GAREM2: variants seen among roughly 807,000 people sequenced by gnomAD.
GAREM2 encodes GRB2 associated regulator of MAPK1 subtype 2.
A neutral mutation model predicts 55.6 loss-of-function variants in GAREM2; 30 were observed. That is an observed-to-expected ratio of 0.54 (90% confidence interval 0.40 to 0.73). The LOEUF (loss-of-function observed/expected upper bound fraction) is 0.73. Ranked by LOEUF, GAREM2 falls within the 30% of genes least tolerant of loss-of-function variation. The probability of loss-of-function intolerance (pLI) is 0.00; values close to 1 mark genes in which losing one functional copy is unlikely to be tolerated. For synonymous variants in GAREM2, 550 were observed against 569.1 expected, an observed-to-expected ratio of 0.97 and a Z score of 0.48; for missense variants, 1,075 against 1,257.7, an observed-to-expected ratio of 0.85 and a Z score of 2.20.
the GAREM2 span, among the ~76,000 whole-genome samples, chr2:26,196,593 A>G: frequency 6.6e-6 from 1 of 152,180 alleles, no homozygotes; most frequent in African/African-American, 2.4e-5. Context: ...AGGGTCCTGT[A>G]TCCCTTGCTC....
At chr2:26,197,221 C>T in the GAREM2 span, among the ~76,000 whole-genome samples, 4 of 152,168 alleles carry the variant, frequency 2.6e-5, no homozygotes, top group Middle Eastern at 3.2e-3. Context: ...ATTCCAAATA[C>T]TCACAGAAAG....
rs1669321596 is a variant in GAREM2, at chr2:26,187,591, C to T, written c.1959C>T (p.Thr653=). ...SAALSSGPRT[T]SGPVATSGPA... Reference sequence around the variant, plus strand: ...CCTTGTCTTCTGGGCCCAGAACCACCTCGGGTCCTGTGGCTACCTCTGGCC... The same window carrying T: ...CCTTGTCTTCTGGGCCCAGAACCACTTCGGGTCCTGTGGCTACCTCTGGCC... The change falls in exon 6 of 6, where the codon ACC becomes ACT. Residue 653 remains threonine, a synonymous_variant. Transcript: ENST00000401533. 1 of 1,549,542 alleles carries T rather than the reference C, an allele frequency of 6.5e-7. No homozygotes were observed. The highest frequency in any genetic ancestry group is 8.7e-7 in the Non-Finnish European group (1 of 1,145,904).
chr2:26,184,469 G>C lies in GAREM2; in HGVS notation c.621G>C (p.Arg207Ser). Residue 207 changes from arginine (R) to serine (S), a missense_variant, in exon 4 of 6, where the codon AGG (arginine) becomes AGC (serine). By Grantham distance (110) the Arg-to-Ser change is moderately radical. Coordinates refer to ENST00000401533, the MANE Select transcript of GAREM2 (RefSeq NM_001168241.2). ...AAGGTGGGGA[R>S]PVKGKMPCLI... is the part of the protein sequence containing the mutation. The stretch of plus-strand genomic sequence containing the variant: ...GAGGCACTGGCGGCGGGGGCGCCAG[G>C]CCGGTCAAAGGCAAGATGCCCTGCC... 4.6e-6 allele frequency: 7 copies of C among 1,508,098 alleles called. No homozygotes were observed. The highest frequency in any genetic ancestry group is 6.2e-6 in the Non-Finnish European group (7 of 1,128,352). The allele number at this position is 1,508,098 out of a possible 1,614,324, so 93.4% of individuals were successfully genotyped here. A position where few individuals can be genotyped will look rare whatever the true frequency, so the allele number is the denominator to read the frequency against.
chr2:26,200,016 C>T, the GAREM2 span, among the ~76,000 whole-genome samples: 7 of 152,240 alleles, frequency 4.6e-5, no homozygotes, highest in Non-Finnish European at 8.8e-5. Context: ...CAGTAGAACA[C>T]GGAGACATGA....
chr2:26,174,353 A>C (rs1668793734), intron 1 of GAREM2, among the ~76,000 whole-genome samples: 1 of 152,168 alleles, frequency 6.6e-6, no homozygotes, highest in Admixed American at 6.5e-5. Flanking sequence ...AGAGTGTGGT[A>C]CTGTGTCTGC....
the GAREM2 span, chr2:26,201,062 T>A: frequency 3.1e-6 from 3 of 972,076 alleles, no homozygotes; most frequent in African/African-American, 4.8e-5. Flanking sequence ...AAAGCAATCA[T>A]GAGTTTCCTA....
In GAREM2 at chr2:26,184,240, C is replaced by T. The variant is rs576494766; in HGVS notation, c.392C>T (p.Ser131Leu). ...TGTCTCTGGGATCCCCAGGTGGTGT[C>T]GGGCGAGTTCAGCGAGGACAGCGAG... Reference protein sequence around the residue: ...EAITFSVKVVSGEFSEDSEVY... With the variant: ...EAITFSVKVVLGEFSEDSEVY... The change falls in exon 4 of 6, where the codon TCG becomes TTG. Residue 131 changes from serine to leucine, a missense_variant. Physicochemically the swap from Ser to Leu is moderately radical, Grantham distance 145. Coordinates refer to ENST00000401533, the MANE Select transcript of GAREM2 (RefSeq NM_001168241.2). The T allele has an allele frequency of 1.4e-4, 220 of 1,549,756 alleles. No individual in the cohort carries two copies. The highest frequency in any genetic ancestry group is 1.8e-4 in the Non-Finnish European group (210 of 1,146,020).
chr2:26,184,614 G>T lies in GAREM2; in HGVS notation c.766G>T (p.Ala256Ser). ...QMQEGEHTVRAIIERVRLPVN... is the reference protein window; with the variant it reads ...QMQEGEHTVRSIIERVRLPVN... ...GCAAGAGGGCGAGCACACGGTGCGC[G>T]CCATCATCGAGCGCGTGAGGCTGCC... Residue 256 changes from alanine (A) to serine (S), a missense_variant, in exon 4 of 6, where the codon GCC becomes TCC. Ala to Ser is a moderately conservative substitution (Grantham distance 99). Transcript: ENST00000401533. The T allele has an allele frequency of 6.5e-7, 1 of 1,548,204 alleles. No homozygotes were observed. Among genetic ancestry groups the T allele is most frequent in the Non-Finnish European group, 8.7e-7 (1 of 1,146,064 alleles).
rs1669207965 is a variant in GAREM2, at chr2:26,185,226, C to T, written c.1378C>T (p.Arg460Cys). The T allele has an allele frequency of 1.3e-6, 2 of 1,521,540 alleles. No homozygotes were observed. Among genetic ancestry groups the T allele is most frequent in the South Asian group, 1.2e-5 (1 of 83,388 alleles). The allele number at this position is 1,521,540 out of a possible 1,614,324, so 94.3% of individuals were successfully genotyped here. ...LISFGAAGPP[R>C]REPEAPPPPV... ...CTCCTTCGGGGCCGCGGGACCGCCG[C>T]GTCGGGAGCCGGAAGCGCCGCCGCC... The change falls in exon 4 of 6, where the codon CGT becomes TGT. Residue 460 changes from arginine (R) to cysteine (C), a missense_variant. By Grantham distance (180) the Arg-to-Cys change is radical. This residue lies in a region of GAREM2 where 515 missense variants were observed against 501.5 expected (regional missense o/e 1.03). Transcript: ENST00000401533.
the GAREM2 span, chr2:26,194,664 C>T: frequency 6.6e-7 from 1 of 1,507,556 alleles, no homozygotes; most frequent in Non-Finnish European, 9.2e-7. Context: ...ACATGAGCTC[C>T]CTGGCCCTGC....
chr2:26,191,747 C>G, downstream of GAREM2: 1 of 1,015,974 alleles, frequency 9.8e-7, no homozygotes, highest in Non-Finnish European at 1.6e-6. Context: ...CCGGTTGGTG[C>G]TGGCCCTCAG....
In GAREM2 at chr2:26,187,996, A is replaced by G. The variant is rs142444199; in HGVS notation, c.2364A>G (p.Gly788=). 3.9e-5 allele frequency: 57 copies of G among 1,473,446 alleles called. No individual in the cohort carries two copies. In the African/African-American group the frequency reaches 5.0e-4, roughly 13 times the overall value. 91.3% of individuals were successfully genotyped at this position (1,473,446 alleles called of 1,614,324 possible). A position where few individuals can be genotyped will look rare whatever the true frequency, so the allele number is the denominator to read the frequency against. ...GGCCTCCTGCCAGTCCCCGGGATGG[A>G]GCCACAGGCTTTGGAGTCCGAGATG... ...LEGPPASPRD[G]ATGFGVRDAS... is the part of the protein sequence containing the mutation. Residue 788 remains glycine (G), a synonymous_variant, in exon 6 of 6, where the codon GGA becomes GGG. Coordinates refer to ENST00000401533, the MANE Select transcript of GAREM2 (RefSeq NM_001168241.2).
downstream of GAREM2, chr2:26,192,202 C>T: frequency 1.4e-6 from 1 of 690,918 alleles, no homozygotes; most frequent in Admixed American, 2.2e-5. Context: ...GCACATGTAT[C>T]CCAGGACTTA....
chr2:26,192,222 A>AAC, downstream of GAREM2: 1 of 714,916 alleles, frequency 1.4e-6, no homozygotes, highest in South Asian at 1.6e-5. Flanking sequence ...AAAGTATTAA[A>AAC]AAAAAAAAAA....
intron 2 of GAREM2, chr2:26,180,682 T>G (rs1669021835): frequency 6.5e-6 from 1 of 153,816 alleles, no homozygotes; most frequent in African/African-American, 2.4e-5. Flanking sequence ...AGTGGTGTGA[T>G]CTCAGCTCAC....
rs1479984878 is a variant in GAREM2, at chr2:26,188,741, GGTGTAGATGTCT to G, written c.*489_*500del. On this transcript the variant is annotated 3_prime_UTR_variant, in exon 6 of 6. Transcript: ENST00000401533. ...TGGCCTAAAGCTGCCCCAGAGTGAG[GGTGTAGATGTCT>G]GTGTCTGTGAGATGCCTTTCCCTTC... 1 of 153,034 alleles carries G rather than the reference GGTGTAGATGTCT, an allele frequency of 6.5e-6. No homozygotes were observed. Among genetic ancestry groups the G allele is most frequent in the African/African-American group, 2.4e-5 (1 of 41,478 alleles). 9.5% of individuals were successfully genotyped at this position (153,034 alleles called of 1,614,324 possible). A position where few individuals can be genotyped will look rare whatever the true frequency, so the allele number is the denominator to read the frequency against.
chr2:26,174,489 G>A (rs912440158), intron 1 of GAREM2, among the ~76,000 whole-genome samples: 1 of 152,180 alleles, frequency 6.6e-6, no homozygotes, highest in Non-Finnish European at 1.5e-5. Context: ...TGGGCTCCCC[G>A]GCCACCTCAT....
At chr2:26,186,481 C>A in intron 5 of GAREM2, 123 bp downstream of exon 5, 3 of 925,624 alleles carry the variant, frequency 3.2e-6, no homozygotes, top group South Asian at 1.6e-5. Flanking sequence ...CCCGAGGGTG[C>A]AGCTCCCTGT....
chr2:26,191,997 A>G (rs1669520874), downstream of GAREM2, among the ~76,000 whole-genome samples: 1 of 152,178 alleles, frequency 6.6e-6, no homozygotes, highest in Admixed American at 6.5e-5. Context: ...AGAAGGCTGG[A>G]GCAGGGGAGG....
Sources: allele counts gnomAD v4.1 joint callset (sites outside exome capture counted in the v4.1 genomes callset), GRCh38; gene constraint gnomAD v4.1.1; regional missense constraint gnomAD v4.1.1; transcripts MANE v1.5; gene names NCBI Gene and HGNC (gene_info 2026-07-23, HGNC 2026-07-21).